ZNF335: variants seen among roughly 807,000 people sequenced by gnomAD.
ZNF335 encodes the protein zinc finger protein 335.
A neutral mutation model predicts 145.6 loss-of-function variants in ZNF335; 84 were observed. The observed-to-expected ratio is 0.58, with a 90% CI of 0.48 to 0.69. The LOEUF is 0.69. ZNF335 is among the 30% of genes least tolerant of loss of function. The probability of loss-of-function intolerance (pLI) is 0.00; values close to 1 mark genes in which losing one functional copy is unlikely to be tolerated. For synonymous variants in ZNF335, 761 were observed against 717.0 expected, an observed-to-expected ratio of 1.06 and a Z score of -0.98; for missense variants, 1,865 against 1,809.7, an observed-to-expected ratio of 1.03 and a Z score of -0.55.
rs1568803666 is a variant in ZNF335, at chr20:45,949,966, C to CTGAT, written c.3587_3590dup (p.Glu1198SerfsTer50). 1 of 1,614,148 alleles carries CTGAT rather than the reference C, an allele frequency of 6.2e-7. No homozygotes were observed. Among genetic ancestry groups the CTGAT allele is most frequent in the Admixed American group, 1.7e-5 (1 of 60,018 alleles). ...GAGGGCCCCCAGTCCTGACTCTTAC[C>CTGAT]TGATTGGTCACTGTCTGTTCCTGGG... On this transcript the variant is annotated frameshift_variant and splice_region_variant, in exon 23 of 28. Coordinates refer to ENST00000322927, the MANE Select transcript of ZNF335 (RefSeq NM_022095.4). LOFTEE classifies it high-confidence loss of function.
At chr20:45,950,183 C>T in intron 22 of ZNF335, 36 bp downstream of exon 22, 1 of 1,564,500 alleles carries the variant, frequency 6.4e-7, no homozygotes, top group South Asian at 1.2e-5. Flanking sequence ...CTGGATCTAC[C>T]CTGTTGCCCA....
intron 1 of ZNF335, 115 bp from the exon 2 acceptor site, chr20:45,971,575 C>T (rs1186587833): frequency 1.9e-5 from 28 of 1,448,572 alleles, no homozygotes; most frequent in Non-Finnish European, 2.5e-5. Flanking sequence ...ATTGAGTCTC[C>T]GACGGGGCGG....
intron 18 of ZNF335, 32 bp downstream of exon 18, chr20:45,953,657 C>A (rs1568809049): frequency 6.2e-7 from 1 of 1,607,280 alleles, no homozygotes. Flanking sequence ...CTACAAAAAG[C>A]TGAAAGGGGC....
chr20:45,963,489 C>A lies in ZNF335; in HGVS notation c.1517G>T (p.Arg506Leu), dbSNP rs959628527. ...KCLQCSYRSR[R>L]WSSLKEHMFN... is the part of the protein sequence containing the mutation. ...CTCCCGCACCTTGAGCGAGGACCAG[C>A]GGCGGGAACGATAGCTGCACTGCAG... Residue 506 changes from arginine (R) to leucine (L), a missense_variant, in exon 9 of 28, where the codon CGC (arginine) becomes CTC (leucine). Arg to Leu is a moderately radical substitution (Grantham distance 102). Transcript: ENST00000322927. The A allele has an allele frequency of 9.9e-6, 16 of 1,611,204 alleles. No individual in the cohort carries two copies. Among genetic ancestry groups the A allele is most frequent in the African/African-American group, 1.3e-5 (1 of 75,032 alleles).
chr20:45,958,738 T>C (rs2083772472), intron 15 of ZNF335, among the ~76,000 whole-genome samples: 1 of 152,208 alleles, frequency 6.6e-6, no homozygotes, highest in Admixed American at 6.5e-5. Context: ...GAATGATGGA[T>C]AGATGGTAGG....
chr20:45,972,041 C>G, intron 1 of ZNF335, 81 bp downstream of exon 1: 2 of 1,252,384 alleles, frequency 1.6e-6, no homozygotes, highest in Admixed American at 2.5e-5. Context: ...GGCCTGGGAC[C>G]TCGCCTCCGG....
Position 45,948,770 on chromosome 20 carries a change from G to T in ZNF335, c.*183C>A. ...GCCTGCAGGCTGGGGCACCCAGCAT[G>T]TCCTGGCTGGGGCCCATGGCTGCCC... On this transcript the variant is annotated 3_prime_UTR_variant, in exon 28 of 28. Transcript: ENST00000322927. 2.2e-6 allele frequency: 2 copies of T among 914,076 alleles called. No individual in the cohort carries two copies. Among genetic ancestry groups the T allele is most frequent in the Non-Finnish European group, 3.3e-6 (2 of 608,162 alleles). The allele number at this position is 914,076 out of a possible 1,614,324, so 56.6% of individuals were successfully genotyped here. A position where few individuals can be genotyped will look rare whatever the true frequency, so the allele number is the denominator to read the frequency against.
intron 3 of ZNF335, chr20:45,968,916 G>A (rs2145418252): frequency 6.4e-6 from 1 of 155,410 alleles, no homozygotes; most frequent in African/African-American, 2.4e-5. Context: ...TGTAATCCCA[G>A]CTACCCTGGA....
At chr20:45,962,020 C>A in intron 10 of ZNF335, 50 bp downstream of exon 10, 1 of 1,194,156 alleles carries the variant, frequency 8.4e-7, no homozygotes, top group South Asian at 1.2e-5. Flanking sequence ...CTCCACTTCC[C>A]CACCCAACCT....
chr20:45,963,661 A>T lies in ZNF335; in HGVS notation c.1356-11T>A, dbSNP rs773911881. The T allele has an allele frequency of 5.6e-6, 9 of 1,613,910 alleles. No individual in the cohort carries two copies. Among genetic ancestry groups the T allele is most frequent in the Non-Finnish European group, 6.8e-6 (8 of 1,179,800 alleles). The stretch of plus-strand genomic sequence containing the variant: ...GACTTGTAATAGTACCTGCAGGATG[A>T]GAGTGTGGCGGAAAGGTCTGGTGGG... On this transcript the variant is annotated splice_polypyrimidine_tract_variant and intron_variant, in intron 8 of 27. Coordinates refer to ENST00000322927, the MANE Select transcript of ZNF335 (RefSeq NM_022095.4).
At chr20:45,950,888 G>A (rs1393937831) in intron 20 of ZNF335, among the ~76,000 whole-genome samples, 1 of 151,998 alleles carries the variant, frequency 6.6e-6, no homozygotes, top group Admixed American at 6.6e-5. Context: ...AGGTCCCATC[G>A]GGCCCTGAAT....
At position 45,967,615 on chromosome 20, in the gene ZNF335, TGCTGCTGCG is replaced by T; in HGVS notation, c.825_833del (p.Ala277_Ala279del). 3 of 1,614,044 alleles carry T rather than the reference TGCTGCTGCG, an allele frequency of 1.9e-6. No homozygotes were observed. Among genetic ancestry groups the T allele is most frequent in the Non-Finnish European group, 2.5e-6 (3 of 1,179,976 alleles). ...TCCGTAGACGTCCTTTTTTACCAGC[TGCTGCTGCG>T]GCTGCTGCTACTGGAAGTGGAGGGA... On this transcript the variant is annotated inframe_deletion, in exon 6 of 28. Coordinates refer to ENST00000322927, the MANE Select transcript of ZNF335 (RefSeq NM_022095.4).
intron 9 of ZNF335, among the ~76,000 whole-genome samples, 153 bp downstream of exon 9, chr20:45,963,320 G>A (rs909857982): frequency 3.3e-5 from 5 of 152,224 alleles, no homozygotes; most frequent in South Asian, 2.1e-4. Context: ...AGCGTTCTTC[G>A]GTACGCCAGT....
At chr20:45,956,232 TTTC>T (rs2083726094) in intron 17 of ZNF335, among the ~76,000 whole-genome samples, 1 of 152,022 alleles carries the variant, frequency 6.6e-6, no homozygotes, top group Non-Finnish European at 1.5e-5. Context: ...TTTTTCTTTT[TTTC>T]TTTTTTTTTT....
rs2083656738 is a variant in ZNF335, at chr20:45,952,693, C to T, written c.2719G>A (p.Glu907Lys). The T allele has an allele frequency of 4.3e-6, 7 of 1,613,570 alleles. No individual in the cohort carries two copies. The highest frequency in any genetic ancestry group is 5.1e-6 in the Non-Finnish European group (6 of 1,179,988). The change falls in exon 19 of 28, where the codon GAG (glutamate) becomes AAG (lysine). Residue 907 changes from glutamate to lysine, a missense_variant. Physicochemically the swap from Glu to Lys is moderately conservative, Grantham distance 56. Transcript: ENST00000322927. ...CTCACAACCACAGCCTGGGCTGCCTCTCCTGCGGGCTCCTCGCTGTGGGCA... is the reference window on the plus strand; with the variant it reads ...CTCACAACCACAGCCTGGGCTGCCTTTCCTGCGGGCTCCTCGCTGTGGGCA... ...GTPYSEEPAG[E>K]AAQAVVVSDT...
intron 17 of ZNF335, among the ~76,000 whole-genome samples, chr20:45,956,240 T>G (rs1340401556): frequency 6.6e-6 from 1 of 152,074 alleles, no homozygotes; most frequent in Non-Finnish European, 1.5e-5. Context: ...TTTTTCTTTT[T>G]TTTTTTTTAG....
At chr20:45,955,855 T>C (rs1022925818) in intron 17 of ZNF335, among the ~76,000 whole-genome samples, 1 of 151,814 alleles carries the variant, frequency 6.6e-6, no homozygotes, top group Non-Finnish European at 1.5e-5. Context: ...TGAAAATATA[T>C]GTACAGTGAA....
intron 9 of ZNF335, among the ~76,000 whole-genome samples, chr20:45,963,241 C>T (rs985802338): frequency 1.2e-4 from 18 of 152,184 alleles, no homozygotes; most frequent in Admixed American, 9.2e-4. Flanking sequence ...TGCACTGTGC[C>T]GCCTGCAAAA....
chr20:45,949,303 C>T, intron 26 of ZNF335, 30 bp downstream of exon 26: 2 of 1,614,030 alleles, frequency 1.2e-6, no homozygotes, highest in Non-Finnish European at 1.7e-6. Context: ...TGCCTGTGCC[C>T]CAGGTCTCCC....
Sources: gnomAD v4.1 joint callset for allele counts (sites outside exome capture counted in the v4.1 genomes callset) on GRCh38, gnomAD v4.1.1 for gene constraint, MANE v1.5 for transcripts, NCBI Gene and HGNC (gene_info 2026-07-23, HGNC 2026-07-21) for gene names.